TMEFF2: variants seen among roughly 807,000 people sequenced by gnomAD.
The protein encoded by TMEFF2 is transmembrane protein with EGF like and two follistatin like domains 2.
A neutral mutation model predicts 53.8 loss-of-function variants in TMEFF2; 28 were observed. The ratio of observed to expected loss-of-function variants is 0.52; its 90% CI spans 0.39 to 0.71. TMEFF2 has a LOEUF of 0.71. Among genes scored for constraint, TMEFF2 ranks in the 30% least tolerant of loss-of-function variants. The pLI, the probability that TMEFF2 is intolerant of heterozygous loss-of-function variation, is 0.00. For synonymous variants in TMEFF2, 162 were observed against 166.3 expected, an observed-to-expected ratio of 0.97 and a Z score of 0.20; for missense variants, 353 against 455.2, an observed-to-expected ratio of 0.78 and a Z score of 2.04.
At chr2:192,076,427 A>G (rs6758987) in intron 4 of TMEFF2, among the ~76,000 whole-genome samples, 62,791 of 151,948 alleles carry the variant, frequency 0.41, 14,762 homozygotes, top group South Asian at 0.55. Flanking sequence ...CCATGAGAGA[A>G]TCGAAGTAAA....
chr2:192,014,021 A>G (rs972873474), intron 5 of TMEFF2, among the ~76,000 whole-genome samples: 4 of 152,256 alleles, frequency 2.6e-5, no homozygotes, highest in Non-Finnish European at 5.9e-5. Flanking sequence ...TTTTGCTCCA[A>G]TTATCAAAAA....
chr2:192,192,341 C>T (rs1385666917), intron 1 of TMEFF2, among the ~76,000 whole-genome samples: 2 of 151,688 alleles, frequency 1.3e-5, no homozygotes, highest in Non-Finnish European at 2.9e-5. Flanking sequence ...TATTTATGAC[C>T]ACAAAACTCC....
chr2:192,141,360 G>T (rs1448514673), intron 4 of TMEFF2, among the ~76,000 whole-genome samples: 1 of 151,222 alleles, frequency 6.6e-6, no homozygotes, highest in African/African-American at 2.4e-5. Flanking sequence ...GGCTGAAGCA[G>T]TGGAATCGTT....
At position 192,194,606 on chromosome 2, in the gene TMEFF2, A is replaced by T. The variant is rs1222084906; in HGVS notation, c.-82T>A. 2.6e-6 allele frequency: 4 copies of T among 1,519,800 alleles called. No individual in the cohort carries two copies. The East Asian group carries it at 9.2e-5, about 35-fold the overall frequency. 94.1% of individuals were successfully genotyped at this position (1,519,800 alleles called of 1,614,324 possible). ...GGGGCCGGGCAGCGGGCTACTGAGCATCCCGCGGACGGCGGCAGCAGAGGC... is the reference window on the plus strand; with the variant it reads ...GGGGCCGGGCAGCGGGCTACTGAGCTTCCCGCGGACGGCGGCAGCAGAGGC... On this transcript the variant is annotated 5_prime_UTR_variant, in exon 1 of 10. The change abolishes an upstream ATG in the 5' untranslated region. Transcript: ENST00000272771. The surrounding 1 kb of genome is among the most constrained non-coding windows in gnomAD (Gnocchi z 4.2).
At chr2:192,054,224 G>A (rs6725639) in intron 5 of TMEFF2, among the ~76,000 whole-genome samples, 2,227 of 151,496 alleles carry the variant, frequency 0.015, 50 homozygotes, top group African/African-American at 0.051. Context: ...ACTCAGCTTT[G>A]CTGCTGGTTT....
At chr2:192,091,221 G>T (rs757996782) in intron 4 of TMEFF2, among the ~76,000 whole-genome samples, 3 of 152,116 alleles carry the variant, frequency 2.0e-5, no homozygotes, top group Non-Finnish European at 4.4e-5. Context: ...TGCTTTGATG[G>T]TTGTTTAATG....
In TMEFF2 at chr2:192,075,332, T is replaced by TATACACACAC. The variant is rs796267672; in HGVS notation, c.440-17558_440-17557insGTGTGTGTAT. ...ATATATATATATATATATATATATATACATACATACTATGTATATCCTTGC... is the reference window on the plus strand; with the variant it reads ...ATATATATATATATATATATATATATATACACACACACATACATACTATGTATATCCTTGC... On this transcript the variant is annotated intron_variant, in intron 4 of 9. Coordinates refer to ENST00000272771, the MANE Select transcript of TMEFF2 (RefSeq NM_016192.4). 3.4e-4 allele frequency among the ~76,000 whole-genome samples: 30 copies of TATACACACAC among 88,140 alleles called. No homozygotes were observed. In the East Asian group the frequency reaches 5.9e-3, roughly 17 times the overall value. 57.8% of individuals were successfully genotyped at this position (88,140 alleles called of 152,430 possible).
At chr2:191,974,120 T>C (rs547273886) in intron 7 of TMEFF2, among the ~76,000 whole-genome samples, 1 of 152,338 alleles carries the variant, frequency 6.6e-6, no homozygotes, top group East Asian at 1.9e-4. Flanking sequence ...AATCTGGTGT[T>C]TTCTTCACAA....
intron 9 of TMEFF2, 120 bp downstream of exon 9, chr2:191,953,559 A>G: frequency 1.9e-6 from 2 of 1,046,986 alleles, no homozygotes; most frequent in Non-Finnish European, 2.8e-6. Flanking sequence ...AGGACATAGG[A>G]CTCATAGAGA....
At chr2:191,954,551 A>T (rs1411758919) in intron 8 of TMEFF2, among the ~76,000 whole-genome samples, 1 of 152,192 alleles carries the variant, frequency 6.6e-6, no homozygotes, top group Non-Finnish European at 1.5e-5. Flanking sequence ...GTTTCTGATG[A>T]CATGGGTACA....
At chr2:192,189,134 A>T (rs980630275) in intron 2 of TMEFF2, among the ~76,000 whole-genome samples, 1 of 152,166 alleles carries the variant, frequency 6.6e-6, no homozygotes, top group Admixed American at 6.6e-5. Context: ...CGTCTAAGAG[A>T]GGTGAAGGCT....
chr2:191,981,001 A>T (rs1215912929), intron 7 of TMEFF2, among the ~76,000 whole-genome samples: 1 of 152,022 alleles, frequency 6.6e-6, no homozygotes, highest in African/African-American at 2.4e-5. Context: ...CTTCATTGTT[A>T]TGACCGTAGT....
At chr2:192,142,078 CTT>C (rs1690151115) in intron 4 of TMEFF2, among the ~76,000 whole-genome samples, 1 of 152,000 alleles carries the variant, frequency 6.6e-6, no homozygotes, top group East Asian at 1.9e-4. Context: ...TAAAGACCCT[CTT>C]TGGGAAGTCA....
chr2:191,950,166 T>C lies in TMEFF2; in HGVS notation c.*145A>G. 4 of 1,451,790 alleles carry C rather than the reference T, an allele frequency of 2.8e-6. No individual in the cohort carries two copies. In the South Asian group the frequency reaches 4.6e-5, roughly 17 times the overall value. The allele number at this position is 1,451,790 out of a possible 1,614,324, so 89.9% of individuals were successfully genotyped here. A position where few individuals can be genotyped will look rare whatever the true frequency, so the allele number is the denominator to read the frequency against. ...AAATATATCCATACATAATCAAATA[T>C]AGCTGTAGTACATGTTTTCATTGGT... On this transcript the variant is annotated 3_prime_UTR_variant, in exon 10 of 10. Coordinates refer to ENST00000272771, the MANE Select transcript of TMEFF2 (RefSeq NM_016192.4).
chr2:192,117,122 G>T (rs1326163891), intron 4 of TMEFF2, among the ~76,000 whole-genome samples: 3 of 152,042 alleles, frequency 2.0e-5, no homozygotes, highest in Non-Finnish European at 4.4e-5. Flanking sequence ...ACTGATAGAT[G>T]GAGGCTATAA....
At chr2:192,065,151 G>C (rs931908973) in intron 4 of TMEFF2, among the ~76,000 whole-genome samples, 3 of 151,718 alleles carry the variant, frequency 2.0e-5, no homozygotes, top group African/African-American at 7.3e-5. Flanking sequence ...TGTCAGCTTA[G>C]ATTTGATAAT....
At chr2:192,187,120 C>A (rs1691333966) in intron 2 of TMEFF2, among the ~76,000 whole-genome samples, 1 of 152,140 alleles carries the variant, frequency 6.6e-6, no homozygotes, top group Non-Finnish European at 1.5e-5. Context: ...CAGAAGGAAG[C>A]ACGCTGTAAA....
chr2:192,011,444 G>C (rs1229825400), intron 5 of TMEFF2, among the ~76,000 whole-genome samples: 1 of 152,188 alleles, frequency 6.6e-6, no homozygotes, highest in Non-Finnish European at 1.5e-5. Context: ...AGGGTGGTAG[G>C]AAGACAAGAA....
At chr2:191,965,077 CTTTA>C (rs1431616295) in intron 7 of TMEFF2, among the ~76,000 whole-genome samples, 1 of 152,114 alleles carries the variant, frequency 6.6e-6, no homozygotes, top group South Asian at 2.1e-4. Flanking sequence ...CACCCAAGGC[CTTTA>C]TTTGTCATTT....
Sources: gnomAD v4.1 joint callset for allele counts (sites outside exome capture counted in the v4.1 genomes callset) on GRCh38, gnomAD v4.1.1 for gene constraint, Gnocchi (gnomAD v3.1) non-coding constraint, MANE v1.5 for transcripts, NCBI Gene and HGNC (gene_info 2026-07-23, HGNC 2026-07-21) for gene names.